The following NUTF2 variants were observed in gnomAD, a reference collection of about 807,000 sequenced individuals.
The protein encoded by NUTF2 is nuclear transport factor 2, also known as placental protein 15.
Under a neutral mutation model 18.5 loss-of-function variants are expected in NUTF2, and 3 were observed. The observed-to-expected ratio is 0.16, with a 90% CI of 0.07 to 0.42. The LOEUF is 0.42. Ranked by LOEUF, NUTF2 falls within the 10% of genes least tolerant of loss-of-function variation. NUTF2 has a pLI of 0.99. For missense variants in NUTF2, 44 were observed against 160.7 expected (o/e 0.27, Z 3.93); for synonymous variants, 51 against 57.9 (o/e 0.88, Z 0.54).
intron 2 of NUTF2, among the ~76,000 whole-genome samples, chr16:67,865,719 CTT>C (rs767485714): frequency 4.8e-4 from 66 of 136,808 alleles, no homozygotes; most frequent in African/African-American, 1.0e-3. Context: ...GCTGGCTGCT[CTT>C]TTTTTTTTTT....
chr16:67,860,660 C>T (rs2057929317), intron 1 of NUTF2, among the ~76,000 whole-genome samples: 1 of 152,196 alleles, frequency 6.6e-6, no homozygotes, highest in Non-Finnish European at 1.5e-5. Context: ...GTGTTTTTGG[C>T]CTCCGTGATA....
chr16:67,855,975 T>G, intron 1 of NUTF2: 1 of 1,224,588 alleles, frequency 8.2e-7, no homozygotes, highest in Non-Finnish European at 1.2e-6. Context: ...TGGAACTGCT[T>G]CTTGGTGCCA....
chr16:67,849,413 C>T (rs2057835213), intron 1 of NUTF2, among the ~76,000 whole-genome samples: 1 of 152,084 alleles, frequency 6.6e-6, no homozygotes, highest in South Asian at 2.1e-4. Flanking sequence ...GCGATGTCGG[C>T]TCACTGCAAC....
At chr16:67,855,809 A>T in intron 1 of NUTF2, 1 of 324,972 alleles carries the variant, frequency 3.1e-6, no homozygotes, top group South Asian at 5.6e-5. Flanking sequence ...TTCCATTCTG[A>T]GGCTCCATGG....
At chr16:67,868,717 T>C (rs1174667344) in intron 4 of NUTF2, 118 bp downstream of exon 4, 13 of 893,302 alleles carry the variant, frequency 1.5e-5, no homozygotes, top group Non-Finnish European at 2.1e-5. Flanking sequence ...AGTGACTGTC[T>C]AGAGCTGCGT....
intron 1 of NUTF2, among the ~76,000 whole-genome samples, chr16:67,860,505 A>G (rs1309506368): frequency 2.0e-5 from 3 of 151,772 alleles, no homozygotes; most frequent in Non-Finnish European, 4.4e-5. Context: ...TCCTGGACTC[A>G]AGTGATCCTC....
At chr16:67,848,753 A>G (rs555394702) in intron 1 of NUTF2, among the ~76,000 whole-genome samples, 1 of 151,344 alleles carries the variant, frequency 6.6e-6, no homozygotes, top group Non-Finnish European at 1.5e-5. Context: ...AAAAAAAAGA[A>G]AAAGAAAAAA....
intron 1 of NUTF2, among the ~76,000 whole-genome samples, chr16:67,854,585 G>A (rs2151295468): frequency 6.6e-6 from 1 of 152,336 alleles, no homozygotes; most frequent in Middle Eastern, 3.4e-3. Context: ...CAGGACAGAG[G>A]AATAGTCCTT....
intron 1 of NUTF2, among the ~76,000 whole-genome samples, chr16:67,848,724 A>G (rs2057827810): frequency 1.3e-5 from 2 of 151,930 alleles, no homozygotes; most frequent in African/African-American, 4.8e-5. Flanking sequence ...CCTGGGCGAC[A>G]GAGCAAGACT....
chr16:67,869,593 C>G (rs1049410641), intron 4 of NUTF2, among the ~76,000 whole-genome samples: 1 of 151,620 alleles, frequency 6.6e-6, no homozygotes, highest in African/African-American at 2.4e-5. Flanking sequence ...TGAGACCAGC[C>G]TGACCAACAT....
At chr16:67,849,950 G>A (rs1419787121) in intron 1 of NUTF2, among the ~76,000 whole-genome samples, 1 of 151,988 alleles carries the variant, frequency 6.6e-6, no homozygotes, top group Admixed American at 6.6e-5. Context: ...GAGCCACCAC[G>A]TCCGGCCTTA....
intron 1 of NUTF2, among the ~76,000 whole-genome samples, chr16:67,860,695 T>G (rs533092069): frequency 8.9e-4 from 136 of 152,326 alleles, no homozygotes; most frequent in African/African-American, 2.8e-3. Context: ...TAGCCACGAC[T>G]GGTACCAATT....
chr16:67,865,569 C>T (rs1482649222), intron 2 of NUTF2, among the ~76,000 whole-genome samples: 6 of 152,174 alleles, frequency 3.9e-5, no homozygotes, highest in African/African-American at 1.2e-4. Context: ...TGAGCATCCT[C>T]AGTGCAAAGC....
chr16:67,865,965 A>G (rs1014784620), intron 2 of NUTF2, among the ~76,000 whole-genome samples: 1 of 151,922 alleles, frequency 6.6e-6, no homozygotes, highest in Admixed American at 6.6e-5. Flanking sequence ...TGATCCTCCC[A>G]CCTTGGCCTT....
At chr16:67,858,369 T>C (rs1013653621) in intron 1 of NUTF2, among the ~76,000 whole-genome samples, 9 of 152,156 alleles carry the variant, frequency 5.9e-5, no homozygotes, top group Non-Finnish European at 1.0e-4. Flanking sequence ...GGTTTCACCA[T>C]GTTGGCCAGG....
intron 1 of NUTF2, among the ~76,000 whole-genome samples, chr16:67,850,346 A>G (rs1238788509): frequency 6.6e-6 from 1 of 151,704 alleles, no homozygotes; most frequent in East Asian, 2.0e-4. Context: ...CTGGGACTAT[A>G]GGCACCCGCC....
At chr16:67,855,955 T>C in intron 1 of NUTF2, 1 of 1,118,340 alleles carries the variant, frequency 8.9e-7, no homozygotes, top group Non-Finnish European at 1.3e-6. Context: ...ATGTCCAGCC[T>C]CAGAACTTCT....
chr16:67,848,777 G>A lies in NUTF2; in HGVS notation c.-30+1792G>A, dbSNP rs2057829261. Reference sequence around the variant, plus strand: ...AAAAAGAAAAAAAAAAAAAGCAGCAGCAGCTCAATCTCTGCAGCTCTGGCC... The same window carrying A: ...AAAAAGAAAAAAAAAAAAAGCAGCAACAGCTCAATCTCTGCAGCTCTGGCC... On this transcript the variant is annotated intron_variant, in intron 1 of 4. Coordinates refer to ENST00000219169, the MANE Select transcript of NUTF2 (RefSeq NM_005796.3). 3.3e-5 allele frequency among the ~76,000 whole-genome samples: 5 copies of A among 151,562 alleles called. No individual in the cohort carries two copies. In the South Asian group the frequency reaches 1.0e-3, roughly 32 times the overall value.
chr16:67,868,718 A>G (rs1410551911), intron 4 of NUTF2, 119 bp downstream of exon 4: 7 of 896,480 alleles, frequency 7.8e-6, no homozygotes, highest in Non-Finnish European at 1.2e-5. Flanking sequence ...GTGACTGTCT[A>G]GAGCTGCGTA....
Sources: gnomAD v4.1 joint callset for allele counts (sites outside exome capture counted in the v4.1 genomes callset) on GRCh38, gnomAD v4.1.1 for gene constraint, MANE v1.5 for transcripts, NCBI Gene and HGNC (gene_info 2026-07-23, HGNC 2026-07-21) for gene names.